Variants in CLTB observed in about 807,000 individuals in gnomAD.
The protein encoded by CLTB is clathrin light chain B.
CLTB carries 10 observed loss-of-function variants against 30.5 expected under a neutral mutation model. The ratio of observed to expected loss-of-function variants is 0.33; its 90% CI spans 0.20 to 0.56. CLTB has a LOEUF of 0.56. Ranked by LOEUF, CLTB falls within the 20% of genes least tolerant of loss-of-function variation. CLTB has a pLI of 0.91. For synonymous variants in CLTB, 102 were observed against 120.3 expected, an observed-to-expected ratio of 0.85 and a Z score of 1.00; for missense variants, 261 against 308.3, an observed-to-expected ratio of 0.85 and a Z score of 1.15.
At chr5:176,397,566 C>T in intron 4 of CLTB, 41 bp downstream of exon 4, 1 of 1,324,490 alleles carries the variant, frequency 7.6e-7, no homozygotes, top group Non-Finnish European at 1.1e-6. Flanking sequence ...CAGCCCCCCT[C>T]ATGTCCCCAT....
intron 1 of CLTB, among the ~76,000 whole-genome samples, chr5:176,411,519 T>C (rs555085367): frequency 2.0e-5 from 3 of 152,288 alleles, no homozygotes; most frequent in East Asian, 1.9e-4. Flanking sequence ...CATCCACCCC[T>C]TGGGCACCCC....
intron 2 of CLTB, among the ~76,000 whole-genome samples, chr5:176,402,095 G>C (rs1315757487): frequency 6.6e-6 from 1 of 152,120 alleles, no homozygotes; most frequent in Non-Finnish European, 1.5e-5. Context: ...CTGAGCTCAG[G>C]AGTTCGAGAC....
chr5:176,415,312 C>G (rs947005467), intron 1 of CLTB, among the ~76,000 whole-genome samples: 3 of 152,160 alleles, frequency 2.0e-5, no homozygotes, highest in Non-Finnish European at 4.4e-5. Context: ...GGCCCACACT[C>G]CGGTGTCTAA....
intron 3 of CLTB, 34 bp from the exon 4 acceptor site, chr5:176,397,752 C>A: frequency 6.3e-7 from 1 of 1,596,508 alleles, no homozygotes; most frequent in East Asian, 2.2e-5. Flanking sequence ...TGGCTGCTTT[C>A]CAGCTGGGAT....
chr5:176,410,115 A>T, intron 2 of CLTB, 142 bp downstream of exon 2: 1 of 709,552 alleles, frequency 1.4e-6, no homozygotes. Flanking sequence ...AATTCCAAAA[A>T]CCTTTCTCTA....
At chr5:176,400,512 G>A (rs559688419) in intron 2 of CLTB, among the ~76,000 whole-genome samples, 4 of 152,234 alleles carry the variant, frequency 2.6e-5, no homozygotes, top group East Asian at 1.9e-4. Flanking sequence ...GACCCAAAGC[G>A]CTGAGCACCG....
chr5:176,401,098 T>G (rs1452522636), intron 2 of CLTB, among the ~76,000 whole-genome samples: 1 of 152,198 alleles, frequency 6.6e-6, no homozygotes, highest in Non-Finnish European at 1.5e-5. Context: ...AACATCCCAG[T>G]GGGCCCTTCT....
intron 2 of CLTB, among the ~76,000 whole-genome samples, chr5:176,409,812 A>C (rs1186303183): frequency 1.3e-5 from 2 of 152,308 alleles, no homozygotes; most frequent in Admixed American, 6.5e-5. Flanking sequence ...TGCCATTATA[A>C]ATAACCCTGC....
chr5:176,396,992 C>G (rs969654051), intron 4 of CLTB, among the ~76,000 whole-genome samples: 7 of 152,134 alleles, frequency 4.6e-5, no homozygotes, highest in African/African-American at 1.7e-4. Flanking sequence ...TTCCAAAGCC[C>G]AAGTCCCAAG....
intron 2 of CLTB, chr5:176,405,461 C>G (rs1265829079): frequency 2.1e-5 from 3 of 140,642 alleles, no homozygotes; most frequent in Non-Finnish European, 3.0e-5. Flanking sequence ...GCACTCCAGT[C>G]TCAACTACAG....
chr5:176,412,045 A>T (rs369250749), intron 1 of CLTB, among the ~76,000 whole-genome samples: 141 of 152,008 alleles, frequency 9.3e-4, no homozygotes, highest in Non-Finnish European at 9.1e-4. Context: ...GCGTGGTGGC[A>T]GGCGCCTGTA....
At chr5:176,405,583 G>A (rs1461292236) in intron 2 of CLTB, 1 of 151,778 alleles carries the variant, frequency 6.6e-6, no homozygotes, top group Non-Finnish European at 1.5e-5. Flanking sequence ...CTCCATATCC[G>A]TTTATTCACT....
At chr5:176,406,549 G>A (rs1005451673) in intron 2 of CLTB, 2 of 1,277,614 alleles carry the variant, frequency 1.6e-6, no homozygotes, top group African/African-American at 3.1e-5. Flanking sequence ...TAGGGGAAAG[G>A]AGAGAGGATC....
intron 2 of CLTB, among the ~76,000 whole-genome samples, chr5:176,401,218 C>T (rs1270792988): frequency 6.6e-6 from 1 of 152,242 alleles, no homozygotes; most frequent in African/African-American, 2.4e-5. Flanking sequence ...CCAAACCTAC[C>T]GAGCCTTCCA....
At position 176,415,703 on chromosome 5, in the gene CLTB, G is replaced by A. The variant is rs115617396; in HGVS notation, c.187+474C>T. ...CAAGGCGCTTAGCCCAGCGACTGCC[G>A]AATGCCAGGCGGTCACCGGGGAAGG... On this transcript the variant is annotated intron_variant, in intron 1 of 5. Transcript: ENST00000310418. Among the ~76,000 whole-genome samples the A allele has an allele frequency of 2.5e-3, 381 of 152,282 alleles. 1 individual carries two copies. The highest frequency in any genetic ancestry group is 8.7e-3 in the East Asian group (45 of 5,172).
chr5:176,399,112 G>A (rs1406293116), intron 2 of CLTB, among the ~76,000 whole-genome samples: 4 of 152,036 alleles, frequency 2.6e-5, no homozygotes, highest in Non-Finnish European at 4.4e-5. Flanking sequence ...CCCAAGTGCT[G>A]GGATTACAGG....
At chr5:176,398,123 CACTCATGTCTGGATA>C (rs1756641343) in intron 2 of CLTB, 76 bp from the exon 3 acceptor site, 1 of 1,348,104 alleles carries the variant, frequency 7.4e-7, no homozygotes, top group African/African-American at 1.4e-5. Context: ...GCTGGGGACC[CACTCATGTCTGGATA>C]ACTCAGCCTC....
chr5:176,415,919 AG>A (rs1757668813), intron 1 of CLTB, among the ~76,000 whole-genome samples: 1 of 152,214 alleles, frequency 6.6e-6, no homozygotes, highest in Non-Finnish European at 1.5e-5. Flanking sequence ...AGAGCCGGGC[AG>A]TGGGGAAGCT....
In CLTB at chr5:176,397,414, T is replaced by A. The variant is rs562313292; in HGVS notation, c.464+193A>T. Among the ~76,000 whole-genome samples the A allele has an allele frequency of 8.6e-5, 9 of 104,648 alleles. No individual in the cohort carries two copies. The South Asian group carries it at 2.6e-3, about 30-fold the overall frequency. The allele number at this position is 104,648 out of a possible 152,430, so 68.7% of individuals were successfully genotyped here. A position where few individuals can be genotyped will look rare whatever the true frequency, so the allele number is the denominator to read the frequency against. On this transcript the variant is annotated intron_variant, in intron 4 of 5. Transcript: ENST00000310418. ...CCCTCTCATGTCCCCACAGCCCCTC[T>A]CATGTCCCCACAGCTCCCTCATGTC...
Sources: gnomAD v4.1 joint callset for allele counts (sites outside exome capture counted in the v4.1 genomes callset) on GRCh38, gnomAD v4.1.1 for gene constraint, MANE v1.5 for transcripts, NCBI Gene and HGNC (gene_info 2026-07-23, HGNC 2026-07-21) for gene names.